Variants in NCALD observed in about 807,000 individuals in gnomAD.
NCALD encodes neurocalcin-delta.
NCALD carries 10 observed loss-of-function variants against 18.6 expected under a neutral mutation model. The ratio of observed to expected loss-of-function variants is 0.54; its 90% CI spans 0.33 to 0.91. The LOEUF (loss-of-function observed/expected upper bound fraction) is 0.91. NCALD is among the 40% of genes least tolerant of loss of function. The pLI is 0.03. For synonymous variants in NCALD, 88 were observed against 87.4 expected (o/e 1.01, Z -0.04); for missense variants, 184 against 247.6 (o/e 0.74, Z 1.72).
At chr8:101,893,752 CA>C (rs1447771036) in intron 3 of NCALD, among the ~76,000 whole-genome samples, 5 of 136,864 alleles carry the variant, frequency 3.7e-5, no homozygotes, top group Admixed American at 7.2e-5. Context: ...CAACAAACAT[CA>C]AAAGAGACAA....
intron 2 of NCALD, among the ~76,000 whole-genome samples, chr8:101,709,572 G>A (rs1279303367): frequency 2.0e-5 from 3 of 152,212 alleles, no homozygotes; most frequent in East Asian, 3.8e-4. Flanking sequence ...AGCTCCCCGG[G>A]AGTGCTGTGG....
At chr8:101,990,033 T>C (rs1820981195) in intron 2 of NCALD, among the ~76,000 whole-genome samples, 1 of 152,208 alleles carries the variant, frequency 6.6e-6, no homozygotes, top group Admixed American at 6.5e-5. Flanking sequence ...AGAGCCTGCA[T>C]GATCTTGCCA....
intron 3 of NCALD, among the ~76,000 whole-genome samples, chr8:101,901,546 C>T (rs544587328): frequency 6.6e-6 from 1 of 151,684 alleles, no homozygotes; most frequent in Non-Finnish European, 1.5e-5. Flanking sequence ...TCAATGGTTG[C>T]TCTCCTTATT....
At chr8:101,751,104 C>G (rs901527209) in intron 1 of NCALD, among the ~76,000 whole-genome samples, 9 of 152,134 alleles carry the variant, frequency 5.9e-5, no homozygotes, top group African/African-American at 2.2e-4. Context: ...AGTTCATCAA[C>G]AGATGAATGG....
chr8:101,696,100 T>C lies in NCALD; in HGVS notation c.379-3204A>G, dbSNP rs551792678. ...AGAAACCATGCAAACCCACCCACCA[T>C]TGCAGACGATCTCAGAGGTTTGGGT... On this transcript the variant is annotated intron_variant, in intron 2 of 3. Transcript: ENST00000220931. 7.9e-5 allele frequency among the ~76,000 whole-genome samples: 12 copies of C among 152,262 alleles called. No individual in the cohort carries two copies. In the East Asian group the frequency reaches 1.7e-3, roughly 22 times the overall value.
At chr8:101,943,966 AC>A (rs1442376807) in intron 2 of NCALD, among the ~76,000 whole-genome samples, 1 of 103,316 alleles carries the variant, frequency 9.7e-6, no homozygotes, top group African/African-American at 3.3e-5. Flanking sequence ...AAAACAAAAA[AC>A]AAACAAACAA....
In NCALD at chr8:101,946,809, C is replaced by CAAA. The variant is rs71268537; in HGVS notation, c.-156-30954_-156-30952dup. Among the ~76,000 whole-genome samples the CAAA allele has an allele frequency of 1.8e-3, 117 of 65,650 alleles. 6 individuals carry two copies. The highest frequency in any genetic ancestry group is 5.5e-3 in the African/African-American group (88 of 16,104). 43.1% of individuals were successfully genotyped at this position (65,650 alleles called of 152,430 possible). A position where few individuals can be genotyped will look rare whatever the true frequency, so the allele number is the denominator to read the frequency against. On this transcript the variant is annotated intron_variant, in intron 2 of 6. Coordinates refer to the NCALD transcript ENST00000311028. ...AGTGGAGACTATCCACATCAATTAG[C>CAAA]AAAAAAAAAAAAAAAAAAAAAAAAA... is the stretch of plus-strand genomic sequence containing the variant.
At chr8:101,999,892 G>A (rs1586899265) in intron 2 of NCALD, among the ~76,000 whole-genome samples, 1 of 152,104 alleles carries the variant, frequency 6.6e-6, no homozygotes, top group African/African-American at 2.4e-5. Context: ...TCAAAAACTG[G>A]AGAGTTGGGG....
At chr8:101,799,481 T>C (rs1468489933) in intron 4 of NCALD, among the ~76,000 whole-genome samples, 3 of 152,230 alleles carry the variant, frequency 2.0e-5, no homozygotes, top group African/African-American at 7.2e-5. Context: ...TGCTTGCTTA[T>C]AGCAGCTAGC....
At chr8:101,962,915 TAAAAACAAACAAA>T (rs1025857479) in intron 2 of NCALD, among the ~76,000 whole-genome samples, 3 of 152,002 alleles carry the variant, frequency 2.0e-5, no homozygotes, top group Admixed American at 6.6e-5. Context: ...TGGGGCAGGT[TAAAAACAAACAAA>T]AAAAACAAAA....
chr8:101,768,507 G>A (rs1044724757), intron 1 of NCALD, among the ~76,000 whole-genome samples: 6 of 152,130 alleles, frequency 3.9e-5, no homozygotes, highest in Admixed American at 6.5e-5. Flanking sequence ...TGAGAAGTTC[G>A]AGACCAGCCT....
intron 1 of NCALD, among the ~76,000 whole-genome samples, chr8:102,051,899 T>A (rs1823471204): frequency 6.6e-6 from 1 of 152,296 alleles, no homozygotes; most frequent in Admixed American, 6.5e-5. Flanking sequence ...TTCTGAACAA[T>A]AACAAGGAAC....
chr8:101,692,763 G>A (rs1814789441), intron 3 of NCALD, 28 bp downstream of exon 3: 1 of 1,581,374 alleles, frequency 6.3e-7, no homozygotes, highest in Non-Finnish European at 8.7e-7. Context: ...CCCCATCTGA[G>A]CAAAGCAGTG....
At chr8:101,754,406 T>C (rs780179354) in intron 1 of NCALD, among the ~76,000 whole-genome samples, 7 of 152,162 alleles carry the variant, frequency 4.6e-5, no homozygotes, top group Non-Finnish European at 8.8e-5. Context: ...CAGAAATTTA[T>C]TCCTCACAGT....
intron 1 of NCALD, among the ~76,000 whole-genome samples, chr8:102,033,352 C>T (rs1461175065): frequency 6.6e-6 from 1 of 152,120 alleles, no homozygotes; most frequent in African/African-American, 2.4e-5. Flanking sequence ...GGATGTAGTA[C>T]ATGCTTTGAA....
intron 2 of NCALD, among the ~76,000 whole-genome samples, chr8:102,008,151 T>A (rs1821775793): frequency 6.6e-6 from 1 of 152,200 alleles, no homozygotes; most frequent in Admixed American, 6.5e-5. Context: ...ATCGAGCACC[T>A]ATTATGTGCT....
chr8:101,980,271 G>T (rs1056301109), intron 2 of NCALD, among the ~76,000 whole-genome samples: 6 of 152,182 alleles, frequency 3.9e-5, no homozygotes. Context: ...CACATTAGAT[G>T]CTGTGTCACA....
intron 2 of NCALD, among the ~76,000 whole-genome samples, chr8:101,931,121 G>A (rs1818556582): frequency 6.6e-6 from 1 of 152,136 alleles, no homozygotes; most frequent in Non-Finnish European, 1.5e-5. Flanking sequence ...TTCTTTATGG[G>A]CCTTGGGGTC....
At position 102,040,163 on chromosome 8, in the gene NCALD, T is replaced by C. The variant is rs564653572; in HGVS notation, c.-209-19874A>G. 3.3e-5 allele frequency among the ~76,000 whole-genome samples: 5 copies of C among 152,310 alleles called. No homozygotes were observed. The South Asian group carries it at 1.0e-3, about 32-fold the overall frequency. On this transcript the variant is annotated intron_variant, in intron 1 of 6. Transcript: ENST00000311028. ...TAGCTTATAGTGAGGATTGGATACA[T>C]GTTTATTGCTATTTTTATCAATGAC...
Sources: allele counts gnomAD v4.1 joint callset (sites outside exome capture counted in the v4.1 genomes callset), GRCh38; gene constraint gnomAD v4.1.1; transcripts MANE v1.5; gene names NCBI Gene and HGNC (gene_info 2026-07-23, HGNC 2026-07-21).